Variants in XYLT1 observed in about 807,000 individuals in gnomAD.
XYLT1 encodes beta-D-xylosyltransferase 1.
XYLT1 carries 36 observed loss-of-function variants against 91.3 expected under a neutral mutation model. That is an observed-to-expected ratio of 0.39 (90% CI 0.30 to 0.52). The LOEUF (loss-of-function observed/expected upper bound fraction) is 0.52, where lower values mean the gene tolerates loss of function less well. XYLT1 is among the 20% of genes least tolerant of loss of function. The pLI is 0.68. For missense variants in XYLT1, 1,242 were observed against 1,284.5 expected (o/e 0.97, Z 0.51); for synonymous variants, 588 against 532.0 (o/e 1.11, Z -1.45).
intron 3 of XYLT1, among the ~76,000 whole-genome samples, chr16:17,231,812 T>C (rs1300008707): frequency 2.6e-5 from 4 of 152,100 alleles, no homozygotes; most frequent in Non-Finnish European, 5.9e-5. Flanking sequence ...AAGATACTTA[T>C]CATGAATGGA....
intron 2 of XYLT1, among the ~76,000 whole-genome samples, chr16:17,345,935 C>T (rs563657331): frequency 5.2e-4 from 79 of 152,260 alleles, no homozygotes; most frequent in Admixed American, 2.4e-3. Flanking sequence ...CTCAGCCTCC[C>T]GAGTAGCTGG....
chr16:17,449,703 T>C (rs771953031), intron 1 of XYLT1, among the ~76,000 whole-genome samples: 5 of 152,214 alleles, frequency 3.3e-5, no homozygotes, highest in Non-Finnish European at 5.9e-5. Flanking sequence ...ATTACTATTA[T>C]TTATCATCAT....
intron 2 of XYLT1, among the ~76,000 whole-genome samples, chr16:17,302,691 C>T (rs2141813973): frequency 6.6e-6 from 1 of 152,254 alleles, no homozygotes; most frequent in East Asian, 1.9e-4. Flanking sequence ...TTTTTGCAGT[C>T]TTATTTTGTT....
At chr16:17,125,949 C>G (rs2030247366) in intron 10 of XYLT1, among the ~76,000 whole-genome samples, 1 of 152,186 alleles carries the variant, frequency 6.6e-6, no homozygotes, top group South Asian at 2.1e-4. Flanking sequence ...AGAAATGTAT[C>G]TGAGCTGTTC....
chr16:17,358,957 A>G (rs975746143), intron 1 of XYLT1, among the ~76,000 whole-genome samples: 3 of 152,120 alleles, frequency 2.0e-5, no homozygotes, highest in Non-Finnish European at 4.4e-5. Flanking sequence ...AAGCCGATTG[A>G]CTGGGAATGC....
rs34234422 is a variant in XYLT1, at chr16:17,129,072, GAAAAAAA to G, written c.2028-1218_2028-1212del. 1.8e-3 allele frequency among the ~76,000 whole-genome samples: 168 copies of G among 95,212 alleles called. 1 individual carries two copies. The highest frequency in any genetic ancestry group is 7.1e-3 in the African/African-American group (160 of 22,530). 62.5% of individuals were successfully genotyped at this position (95,212 alleles called of 152,430 possible). On this transcript the variant is annotated intron_variant, in intron 9 of 11. Coordinates refer to ENST00000261381, the MANE Select transcript of XYLT1 (RefSeq NM_022166.4). ...ACTGGGATGCCTTCCAGGGAGCATA[GAAAAAAA>G]AAAAAAAAAAAAAAAAAACTTGAAC...
intron 3 of XYLT1, among the ~76,000 whole-genome samples, chr16:17,234,592 T>C (rs1258993964): frequency 1.3e-5 from 2 of 152,076 alleles, no homozygotes; most frequent in Non-Finnish European, 2.9e-5. Flanking sequence ...ACTCTTTTTT[T>C]TTTTTTGGCA....
intron 1 of XYLT1, among the ~76,000 whole-genome samples, chr16:17,405,410 C>T (rs1056015205): frequency 3.9e-5 from 6 of 152,286 alleles, no homozygotes; most frequent in East Asian, 1.9e-4. Context: ...GCCACGAGGC[C>T]GGAGCGGCTG....
At chr16:17,200,903 A>G (rs1212441150) in intron 3 of XYLT1, among the ~76,000 whole-genome samples, 1 of 152,210 alleles carries the variant, frequency 6.6e-6, no homozygotes, top group Non-Finnish European at 1.5e-5. Context: ...AAATGCTGGA[A>G]GAGACACATG....
chr16:17,353,316 AT>A (rs1464580142), intron 2 of XYLT1, among the ~76,000 whole-genome samples: 2 of 152,100 alleles, frequency 1.3e-5, no homozygotes, highest in Non-Finnish European at 2.9e-5. Flanking sequence ...AGTGGAGGCC[AT>A]TAGCTAATTG....
chr16:17,410,150 C>T (rs2036089098), intron 1 of XYLT1, among the ~76,000 whole-genome samples: 1 of 152,254 alleles, frequency 6.6e-6, no homozygotes, highest in Admixed American at 6.5e-5. Flanking sequence ...GATTCTGTAC[C>T]AGGCTAGTTT....
intron 1 of XYLT1, among the ~76,000 whole-genome samples, chr16:17,389,075 T>C (rs902388680): frequency 6.6e-6 from 1 of 152,238 alleles, no homozygotes; most frequent in Non-Finnish European, 1.5e-5. Flanking sequence ...ACTGGTTCTT[T>C]GCAGCGAGGC....
At chr16:17,311,350 G>A (rs2034545692) in intron 2 of XYLT1, among the ~76,000 whole-genome samples, 1 of 152,164 alleles carries the variant, frequency 6.6e-6, no homozygotes, top group Admixed American at 6.5e-5. Context: ...GGCTGCTCAT[G>A]GGCTTCAGTA....
intron 3 of XYLT1, among the ~76,000 whole-genome samples, chr16:17,253,420 C>A (rs1369999216): frequency 6.6e-6 from 1 of 152,166 alleles, no homozygotes; most frequent in East Asian, 1.9e-4. Context: ...GGCAAACTCA[C>A]ACTGCAAAGC....
chr16:17,246,100 C>T (rs552148031), intron 3 of XYLT1, among the ~76,000 whole-genome samples: 9 of 152,318 alleles, frequency 5.9e-5, no homozygotes, highest in East Asian at 1.9e-4. Context: ...CCCCTTGCCA[C>T]GCCACTGGAA....
chr16:17,288,055 G>A (rs552031051), intron 2 of XYLT1, among the ~76,000 whole-genome samples: 46 of 151,010 alleles, frequency 3.0e-4, no homozygotes, highest in Non-Finnish European at 5.6e-4. Context: ...TCAGCCTCCC[G>A]AGTAAATGAG....
At position 17,238,638 on chromosome 16, in the gene XYLT1, C is replaced by T. The variant is rs969927469; in HGVS notation, c.913+20350G>A. Among the ~76,000 whole-genome samples the T allele has an allele frequency of 2.6e-5, 4 of 152,358 alleles. No homozygotes were observed. The East Asian group carries it at 7.7e-4, about 29-fold the overall frequency. On this transcript the variant is annotated intron_variant, in intron 3 of 11. Coordinates refer to ENST00000261381, the MANE Select transcript of XYLT1 (RefSeq NM_022166.4). ...ATTCCCTTTCATGGCCTACAAGGTC[C>T]TGCATGACCAGATCCCTGCCCTCCT...
chr16:17,171,096 G>A (rs2031810333), intron 5 of XYLT1, among the ~76,000 whole-genome samples: 1 of 152,210 alleles, frequency 6.6e-6, no homozygotes, highest in Admixed American at 6.5e-5. Context: ...TGAGTGTTGA[G>A]CCAGTGAAAA....
chr16:17,361,526 A>G (rs1009741897), intron 1 of XYLT1, among the ~76,000 whole-genome samples: 1 of 152,218 alleles, frequency 6.6e-6, no homozygotes, highest in Non-Finnish European at 1.5e-5. Flanking sequence ...TAAGTCTGCA[A>G]ATGCATCCCA....
Sources: gnomAD v4.1 joint callset for allele counts (sites outside exome capture counted in the v4.1 genomes callset) on GRCh38, gnomAD v4.1.1 for gene constraint, MANE v1.5 for transcripts, NCBI Gene and HGNC (gene_info 2026-07-23, HGNC 2026-07-21) for gene names.